Variants in TM7SF3 observed in about 807,000 individuals in gnomAD.
The protein encoded by TM7SF3 is transmembrane 7 superfamily member 3.
Under a neutral mutation model 65.5 loss-of-function variants are expected in TM7SF3, and 60 were observed. That is an observed-to-expected ratio of 0.92 (90% CI 0.74 to 1.14). TM7SF3 has a LOEUF of 1.14. TM7SF3 is among the 50% of genes most tolerant of loss of function. TM7SF3 has a pLI of 0.00. For missense variants in TM7SF3, 623 were observed against 684.8 expected, an observed-to-expected ratio of 0.91 and a Z score of 1.01; for synonymous variants, 264 against 259.6, an observed-to-expected ratio of 1.02 and a Z score of -0.16.
chr12:26,975,714 T>C, intron 10 of TM7SF3, 56 bp from the exon 11 acceptor site: 1 of 1,570,906 alleles, frequency 6.4e-7, no homozygotes, highest in African/African-American at 1.4e-5. Context: ...AAATAGTTTA[T>C]AACTCTCCAC....
chr12:26,982,681 G>A (rs1939867994), intron 7 of TM7SF3, 92 bp downstream of exon 7: 1 of 797,548 alleles, frequency 1.3e-6, no homozygotes, highest in Non-Finnish European at 2.0e-6. Flanking sequence ...AGATAGTAGA[G>A]ATAAGTAAGT....
chr12:26,982,511 T>C (rs1166775293), intron 7 of TM7SF3, among the ~76,000 whole-genome samples: 2 of 152,192 alleles, frequency 1.3e-5, no homozygotes, highest in African/African-American at 4.8e-5. Flanking sequence ...TTATCTTTAG[T>C]CAACTAACAG....
At chr12:26,996,649 G>T in intron 4 of TM7SF3, 93 bp downstream of exon 4, 1 of 1,328,250 alleles carries the variant, frequency 7.5e-7, no homozygotes, top group South Asian at 1.5e-5. Context: ...TTTTACTACA[G>T]AGAATTAGGG....
chr12:26,981,864 A>G (rs1939831269), intron 7 of TM7SF3, among the ~76,000 whole-genome samples: 1 of 152,202 alleles, frequency 6.6e-6, no homozygotes, highest in Non-Finnish European at 1.5e-5. Context: ...CCAGTTCTTC[A>G]GTGTGTTTCA....
chr12:27,001,414 G>T (rs1417856100), intron 2 of TM7SF3, among the ~76,000 whole-genome samples: 1 of 152,192 alleles, frequency 6.6e-6, no homozygotes, highest in Non-Finnish European at 1.5e-5. Context: ...CTACTAATTT[G>T]TTGAGCTTTA....
At chr12:26,983,513 T>A (rs759295662) in intron 6 of TM7SF3, 4 of 454,088 alleles carry the variant, frequency 8.8e-6, no homozygotes, top group South Asian at 6.2e-5. Flanking sequence ...GTGAGTAACA[T>A]GATGACCAGG....
At chr12:26,990,648 T>C (rs1380881607) in intron 5 of TM7SF3, 21 bp from the exon 6 acceptor site, 1 of 1,596,626 alleles carries the variant, frequency 6.3e-7, no homozygotes, top group South Asian at 1.1e-5. Context: ...AAATAACACA[T>C]GATTAGTGTT....
Position 27,002,297 on chromosome 12 carries a change from T to C in TM7SF3, c.246+939A>G, listed in dbSNP as rs564790288. Among the ~76,000 whole-genome samples the C allele has an allele frequency of 4.3e-4, 55 of 126,748 alleles. 1 individual carries two copies. Among genetic ancestry groups the C allele is most frequent in the African/African-American group, 1.8e-3 (53 of 30,230 alleles). The allele number at this position is 126,748 out of a possible 152,430, so 83.2% of individuals were successfully genotyped here. On this transcript the variant is annotated intron_variant, in intron 2 of 11. Transcript: ENST00000343028. ...GGGCAACAGAGCAAAACCCCATCTCTACAAAAAAAAAATGTTAAAAATTAG... is the reference window on the plus strand; with the variant it reads ...GGGCAACAGAGCAAAACCCCATCTCCACAAAAAAAAAATGTTAAAAATTAG...
chr12:27,012,262 T>TTTAATCCCCACCACCC, intron 1 of TM7SF3, among the ~76,000 whole-genome samples: 1 of 152,156 alleles, frequency 6.6e-6, no homozygotes, highest in Non-Finnish European at 1.5e-5. Context: ...AGGAAGATCA[T>TTTAATCCCCACCACCC]TACATTGTAG....
Position 26,979,868 on chromosome 12 carries a change from A to G in TM7SF3, c.1105T>C (p.Phe369Leu). Residue 369 changes from phenylalanine to leucine, a missense_variant, in exon 9 of 12, where the codon TTT becomes CTT. By Grantham distance (22) the Phe-to-Leu change is conservative (BLOSUM62 0). Coordinates refer to ENST00000343028, the MANE Select transcript of TM7SF3 (RefSeq NM_016551.3). ...AGCATGCAGATCGAGAGGATTCCAA[A>G]TCGCCACCACACAGCTACCAAGAAC... The part of the protein sequence containing the change: ...GMFLVAVWWR[F>L]GILSICMLCV... The G allele has an allele frequency of 1.2e-6, 2 of 1,614,196 alleles. No homozygotes were observed. The highest frequency in any genetic ancestry group is 2.7e-5 in the African/African-American group (2 of 75,062).
chr12:26,986,618 G>A lies in TM7SF3; in HGVS notation c.869-3759C>T, dbSNP rs75958146. On this transcript the variant is annotated intron_variant, in intron 6 of 11. Coordinates refer to ENST00000343028, the MANE Select transcript of TM7SF3 (RefSeq NM_016551.3). ...TTTTTTTTCTTTAACAGCGGGATAC[G>A]GCTCTAGCAGAGGTAGAGAACCATA... is the stretch of plus-strand genomic sequence containing the variant. 6.3e-3 allele frequency among the ~76,000 whole-genome samples: 957 copies of A among 151,954 alleles called. 16 individuals are homozygous for A. The highest frequency in any genetic ancestry group is 0.021 in the African/African-American group (866 of 41,398).
rs373537314 is a variant in TM7SF3, at chr12:26,982,766, A to G, written c.955+7T>C. The G allele has an allele frequency of 1.2e-6, 2 of 1,600,618 alleles. No homozygotes were observed. The highest frequency in any genetic ancestry group is 2.7e-5 in the African/African-American group (2 of 74,418). On this transcript the variant is annotated splice_region_variant and intron_variant, in intron 7 of 11. Transcript: ENST00000343028. ...AATGGAAATAGCAACTACATTGGAC[A>G]TAATACCTGTTTTCCAGAATCTGTG...
Position 26,975,480 on chromosome 12 carries a change from G to A in TM7SF3, c.1450+16C>T. 1 of 1,613,706 alleles carries A rather than the reference G, an allele frequency of 6.2e-7. No individual in the cohort carries two copies. Among genetic ancestry groups the A allele is most frequent in the Non-Finnish European group, 8.5e-7 (1 of 1,179,746 alleles). On this transcript the variant is annotated intron_variant, in intron 11 of 11. Transcript: ENST00000343028. ...TACTGTGCTGTCACACTGGTTTTTG[G>A]ATTTAAGAGTCTTACCATTAGTTTG...
chr12:26,982,794 CA>C lies in TM7SF3; in HGVS notation c.933del (p.Phe311LeufsTer13), dbSNP rs778819221. The C allele has an allele frequency of 1.2e-5, 19 of 1,608,162 alleles. No homozygotes were observed. The Admixed American group carries it at 3.1e-4, about 26-fold the overall frequency. ...ATACCTGTTTTCCAGAATCTGTGTC[CA>C]AAGAAACAAATGAAGAAACCAAGCA... ...FALLGFFICFFGHRFWKTELF... is the reference protein window; with the variant it reads ...FALLGFFICFXGHRFWKTELF... On this transcript the variant is annotated frameshift_variant, in exon 7 of 12. Transcript: ENST00000343028. LOFTEE classifies it high-confidence loss of function.
chr12:26,999,569 C>G lies in TM7SF3; in HGVS notation c.354G>C (p.Gln118His), dbSNP rs1344581888. 1 of 1,614,164 alleles carries G rather than the reference C, an allele frequency of 6.2e-7. No homozygotes were observed. ...GTAGGATAGCCATATTCTGGACAGG[C>G]TGTATGCCTGAAGTCCCCAAGTACC... is the stretch of plus-strand genomic sequence containing the variant. ...CTWYLGTSGIQPVQNMAILLS... is the reference protein window; with the variant it reads ...CTWYLGTSGIHPVQNMAILLS... The change falls in exon 3 of 12, where the codon CAG becomes CAC. Residue 118 changes from glutamine (Q) to histidine (H), a missense_variant. Transcript: ENST00000343028.
chr12:26,988,422 C>G (rs189558356), intron 6 of TM7SF3, among the ~76,000 whole-genome samples: 2 of 152,252 alleles, frequency 1.3e-5, no homozygotes, highest in East Asian at 3.9e-4. Flanking sequence ...TCTTGACCTC[C>G]CAATGTGCTG....
chr12:27,000,211 T>C (rs1940773208), intron 2 of TM7SF3, among the ~76,000 whole-genome samples: 2 of 152,356 alleles, frequency 1.3e-5, no homozygotes, highest in Middle Eastern at 3.4e-3. Context: ...GTATTTCAAC[T>C]GTGAATTTTG....
chr12:27,000,938 T>C (rs188272358), intron 2 of TM7SF3, among the ~76,000 whole-genome samples: 2 of 152,092 alleles, frequency 1.3e-5, no homozygotes, highest in East Asian at 1.9e-4. Context: ...AATAATAAAA[T>C]GCTAAGCTAA....
In TM7SF3 at chr12:26,990,324, G is replaced by A. The variant is rs1018724295; in HGVS notation, c.868+126C>T. 1.7e-5 allele frequency: 11 copies of A among 657,416 alleles called. No individual in the cohort carries two copies. The African/African-American group carries it at 2.0e-4, about 12-fold the overall frequency. The allele number at this position is 657,416 out of a possible 1,614,324, so 40.7% of individuals were successfully genotyped here. Reference sequence around the variant, plus strand: ...GTTTTGTTTACTGCTATGTCCCAGTGCCTAGAACAGAGAGTGGAATAACGT... The same window carrying A: ...GTTTTGTTTACTGCTATGTCCCAGTACCTAGAACAGAGAGTGGAATAACGT... On this transcript the variant is annotated intron_variant, in intron 6 of 11. Transcript: ENST00000343028.
Sources: gnomAD v4.1 joint callset for allele counts (sites outside exome capture counted in the v4.1 genomes callset) on GRCh38, gnomAD v4.1.1 for gene constraint, MANE v1.5 for transcripts, NCBI Gene and HGNC (gene_info 2026-07-23, HGNC 2026-07-21) for gene names.